Variants in HIVEP1 observed in about 807,000 individuals in gnomAD.
The protein encoded by HIVEP1 is zinc finger protein 40.
In HIVEP1, 36 loss-of-function variants were observed where a neutral mutation model predicts 180.0. The ratio of observed to expected loss-of-function variants is 0.20; its 90% CI spans 0.15 to 0.26. The LOEUF (loss-of-function observed/expected upper bound fraction) is 0.26. Ranked by LOEUF, HIVEP1 falls within the 10% of genes least tolerant of loss-of-function variation. HIVEP1 has a pLI of 1.00. For missense variants in HIVEP1, 3,143 were observed against 3,268.7 expected (o/e 0.96, Z 0.94); for synonymous variants, 1,239 against 1,239.0 (o/e 1.00, Z 0.00).
chr6:12,054,850 G>A (rs188253441), intron 2 of HIVEP1, among the ~76,000 whole-genome samples: 1 of 152,118 alleles, frequency 6.6e-6, no homozygotes, highest in Non-Finnish European at 1.5e-5. Context: ...ATATTCATTT[G>A]TATGTTTATC....
the HIVEP1 span, among the ~76,000 whole-genome samples, chr6:12,170,990 A>C: frequency 6.6e-6 from 1 of 152,160 alleles, no homozygotes. Flanking sequence ...TTGATGACCC[A>C]AATAGGTCAG....
chr6:12,033,772 G>T (rs1055386301), intron 2 of HIVEP1, among the ~76,000 whole-genome samples: 2 of 152,164 alleles, frequency 1.3e-5, no homozygotes, highest in African/African-American at 2.4e-5. Flanking sequence ...GTTTTTAAAA[G>T]CCAAATCTCT....
intron 3 of HIVEP1, among the ~76,000 whole-genome samples, chr6:12,105,211 T>C (rs1267283518): frequency 6.6e-6 from 1 of 152,202 alleles, no homozygotes; most frequent in Non-Finnish European, 1.5e-5. Flanking sequence ...TGAAGCTTGA[T>C]CTTTATGCAA....
At chr6:12,161,157 T>G (rs1163354031) in intron 7 of HIVEP1, among the ~76,000 whole-genome samples, 1 of 152,192 alleles carries the variant, frequency 6.6e-6, no homozygotes, top group Non-Finnish European at 1.5e-5. Flanking sequence ...TTTCCTTGTT[T>G]CTTGATTACC....
chr6:12,125,943 T>C, intron 4 of HIVEP1, 73 bp downstream of exon 4: 1 of 815,810 alleles, frequency 1.2e-6, no homozygotes, highest in Non-Finnish European at 2.0e-6. Flanking sequence ...TACCTTTAAA[T>C]ATTTTAACTG....
intron 2 of HIVEP1, among the ~76,000 whole-genome samples, chr6:12,037,411 A>T (rs1477039627): frequency 6.6e-6 from 1 of 152,186 alleles, no homozygotes; most frequent in African/African-American, 2.4e-5. Context: ...TCATATATTG[A>T]TCAGCGATGA....
At chr6:12,148,191 T>C (rs1203673816) in intron 7 of HIVEP1, among the ~76,000 whole-genome samples, 1 of 152,218 alleles carries the variant, frequency 6.6e-6, no homozygotes, top group Non-Finnish European at 1.5e-5. Context: ...TGCTACAGTT[T>C]CAAGTTTTGA....
chr6:12,128,244 C>T (rs1758210867), intron 4 of HIVEP1, among the ~76,000 whole-genome samples: 1 of 152,196 alleles, frequency 6.6e-6, no homozygotes, highest in Non-Finnish European at 1.5e-5. Context: ...GGAAGCCAAT[C>T]TGTTTGCCAG....
At chr6:12,051,024 A>ATATATATATATATATATG in intron 2 of HIVEP1, among the ~76,000 whole-genome samples, 2 of 140,496 alleles carry the variant, frequency 1.4e-5, no homozygotes, top group Non-Finnish European at 3.1e-5. Context: ...ATATATATAT[A>ATATATATATATATATATG]TATATATGTA....
chr6:12,042,263 A>T (rs576808496), intron 2 of HIVEP1, among the ~76,000 whole-genome samples: 6 of 148,332 alleles, frequency 4.0e-5, no homozygotes, highest in African/African-American at 1.5e-4. Flanking sequence ...TTGTATTTTC[A>T]GTAGAGACGG....
At chr6:12,055,499 T>G (rs1258099776) in intron 2 of HIVEP1, among the ~76,000 whole-genome samples, 2 of 152,186 alleles carry the variant, frequency 1.3e-5, no homozygotes, top group Non-Finnish European at 2.9e-5. Context: ...CATTATTTTG[T>G]TATCTTTTTT....
At chr6:12,041,607 A>C (rs754591535) in intron 2 of HIVEP1, among the ~76,000 whole-genome samples, 1 of 151,438 alleles carries the variant, frequency 6.6e-6, no homozygotes, top group Non-Finnish European at 1.5e-5. Context: ...TTGTTACATC[A>C]TCTCTAGTAA....
chr6:12,112,920 G>A (rs1214094657), intron 3 of HIVEP1, among the ~76,000 whole-genome samples: 3 of 152,050 alleles, frequency 2.0e-5, no homozygotes, highest in Non-Finnish European at 4.4e-5. Context: ...TTCTTCTCCC[G>A]GCTGCAGGGT....
intron 4 of HIVEP1, among the ~76,000 whole-genome samples, chr6:12,128,029 T>TC (rs1464896182): frequency 6.6e-6 from 1 of 152,188 alleles, no homozygotes; most frequent in Admixed American, 6.5e-5. Flanking sequence ...CATGGCATTT[T>TC]CAACATACAA....
chr6:12,096,565 T>G (rs917747825), intron 3 of HIVEP1, among the ~76,000 whole-genome samples: 3 of 150,860 alleles, frequency 2.0e-5, no homozygotes, highest in African/African-American at 7.4e-5. Flanking sequence ...ATTAAAAAAA[T>G]ATAATAATAT....
At chr6:12,210,528 TA>T in the HIVEP1 span, among the ~76,000 whole-genome samples, 2 of 152,140 alleles carry the variant, frequency 1.3e-5, no homozygotes, top group Non-Finnish European at 2.9e-5. Context: ...TTAGATGTTT[TA>T]AAAAAATAGA....
chr6:12,032,710 T>C (rs1338767716), intron 2 of HIVEP1, among the ~76,000 whole-genome samples: 1 of 152,190 alleles, frequency 6.6e-6, no homozygotes, highest in Non-Finnish European at 1.5e-5. Flanking sequence ...AAACGTTTGT[T>C]TACCCACCCA....
the HIVEP1 span, among the ~76,000 whole-genome samples, chr6:12,201,116 C>G: frequency 6.6e-6 from 1 of 152,206 alleles, no homozygotes; most frequent in African/African-American, 2.4e-5. Flanking sequence ...TTCTCATGTT[C>G]TATTCTTAAT....
chr6:12,036,713 G>A lies in HIVEP1; in HGVS notation c.40+21045G>A, dbSNP rs1443356208. 4.7e-4 allele frequency among the ~76,000 whole-genome samples: 72 copies of A among 152,240 alleles called. 2 individuals are homozygous for A. Among genetic ancestry groups the A allele is most frequent in the Admixed American group, 4.7e-3 (72 of 15,286 alleles). ...GAGGTCAGGAGTTCGAGACCAGCCT[G>A]GCTAACATGGGGGAACCCCATCTGT... is the stretch of plus-strand genomic sequence containing the variant. On this transcript the variant is annotated intron_variant, in intron 2 of 8. Coordinates refer to ENST00000379388, the MANE Select transcript of HIVEP1 (RefSeq NM_002114.4).
Sources: gnomAD v4.1 joint callset for allele counts (sites outside exome capture counted in the v4.1 genomes callset) on GRCh38, gnomAD v4.1.1 for gene constraint, MANE v1.5 for transcripts, NCBI Gene and HGNC (gene_info 2026-07-23, HGNC 2026-07-21) for gene names.